The following SUSD1 variants were observed in gnomAD, a reference collection of about 807,000 sequenced individuals.
SUSD1 encodes sushi domain-containing protein 1.
In SUSD1, 65 loss-of-function variants were observed where a neutral mutation model predicts 86.9. That is an observed-to-expected ratio of 0.75 (90% CI 0.61 to 0.92). The LOEUF is 0.92. Ranked by LOEUF, SUSD1 falls within the 40% of genes least tolerant of loss-of-function variation. The pLI, the probability that SUSD1 is intolerant of heterozygous loss-of-function variation, is 0.00. For synonymous variants in SUSD1, 346 were observed against 350.0 expected (o/e 0.99, Z 0.13); for missense variants, 850 against 929.7 (o/e 0.91, Z 1.11).
chr9:112,060,987 C>A (rs1474310649), intron 13 of SUSD1, among the ~76,000 whole-genome samples: 1 of 152,190 alleles, frequency 6.6e-6, no homozygotes, highest in Non-Finnish European at 1.5e-5. Context: ...ACCGTAATCA[C>A]CTGTGTTGCT....
chr9:112,050,880 C>T (rs949644856), intron 15 of SUSD1, among the ~76,000 whole-genome samples: 1 of 152,320 alleles, frequency 6.6e-6, no homozygotes, highest in East Asian at 1.9e-4. Flanking sequence ...AGGCAATTTC[C>T]CCGCCTGGAT....
intron 1 of SUSD1, among the ~76,000 whole-genome samples, chr9:112,157,824 C>CTTT (rs72322597): frequency 4.4e-5 from 6 of 136,882 alleles, no homozygotes; most frequent in African/African-American, 1.4e-4. Flanking sequence ...TTCTTTCTTT[C>CTTT]TTTTTTTTTT....
At chr9:112,062,346 G>A (rs1414561785) in intron 13 of SUSD1, among the ~76,000 whole-genome samples, 1 of 152,164 alleles carries the variant, frequency 6.6e-6, no homozygotes, top group African/African-American at 2.4e-5. Context: ...CAAAGGAATG[G>A]ATGTAATTTC....
intron 9 of SUSD1, among the ~76,000 whole-genome samples, chr9:112,099,027 CT>C (rs1830516076): frequency 1.1e-5 from 1 of 91,116 alleles, no homozygotes. Context: ...CTCTCTCTCT[CT>C]CTCTCTCTCT....
intron 12 of SUSD1, among the ~76,000 whole-genome samples, chr9:112,073,208 C>T (rs1589612639): frequency 6.6e-6 from 1 of 152,162 alleles, no homozygotes; most frequent in African/African-American, 2.4e-5. Context: ...CTGTTGTTTT[C>T]CTAACCGTCT....
At chr9:112,139,123 A>G (rs1347039936) in intron 5 of SUSD1, among the ~76,000 whole-genome samples, 5 of 152,254 alleles carry the variant, frequency 3.3e-5, no homozygotes, top group Non-Finnish European at 5.9e-5. Context: ...CAATAGTGCC[A>G]CATCCAGATG....
chr9:112,117,030 C>T (rs1262961509), intron 6 of SUSD1, among the ~76,000 whole-genome samples: 2 of 152,154 alleles, frequency 1.3e-5, no homozygotes, highest in Admixed American at 1.3e-4. Flanking sequence ...ATCCCAGCTA[C>T]TCAAGAGGCC....
At chr9:112,157,730 C>T in intron 1 of SUSD1, 117 bp from the exon 2 acceptor site, 2 of 642,910 alleles carry the variant, frequency 3.1e-6, no homozygotes, top group South Asian at 4.1e-5. Context: ...CAGGACACAC[C>T]TAGTCTCATC....
chr9:112,091,790 T>C (rs529404191), intron 10 of SUSD1, among the ~76,000 whole-genome samples: 3 of 152,212 alleles, frequency 2.0e-5, no homozygotes, highest in Non-Finnish European at 4.4e-5. Flanking sequence ...CAACAAGATA[T>C]AATATGGTTC....
chr9:112,141,721 A>AATAT lies in SUSD1; in HGVS notation c.706+598_706+599insATAT, dbSNP rs1270412025. Among the ~76,000 whole-genome samples, 12 of 142,232 alleles carry AATAT rather than the reference A, an allele frequency of 8.4e-5. No individual in the cohort carries two copies. The Admixed American group carries it at 8.8e-4, about 10-fold the overall frequency. 93.3% of individuals were successfully genotyped at this position (142,232 alleles called of 152,430 possible). A position where few individuals can be genotyped will look rare whatever the true frequency, so the allele number is the denominator to read the frequency against. On this transcript the variant is annotated intron_variant, in intron 5 of 16. Coordinates refer to ENST00000374270, the MANE Select transcript of SUSD1 (RefSeq NM_022486.5). ...AAAAAATATATAATATATTACATGTAATGTATTATATATAATATATATTAC... is the reference window on the plus strand; with the variant it reads ...AAAAAATATATAATATATTACATGTAATATATGTATTATATATAATATATATTAC...
At chr9:112,115,046 C>T (rs1369348319) in intron 6 of SUSD1, among the ~76,000 whole-genome samples, 1 of 152,156 alleles carries the variant, frequency 6.6e-6, no homozygotes, top group Non-Finnish European at 1.5e-5. Flanking sequence ...GTGAAAGGCT[C>T]CCATCTAAGA....
At chr9:112,071,009 T>C (rs574161689) in intron 12 of SUSD1, among the ~76,000 whole-genome samples, 2 of 152,116 alleles carry the variant, frequency 1.3e-5, no homozygotes, top group Admixed American at 6.6e-5. Context: ...TGTAGAAAAG[T>C]GGTCTCACTG....
chr9:112,174,004 C>A, intron 1 of SUSD1: 2 of 173,842 alleles, frequency 1.2e-5, no homozygotes, highest in South Asian at 2.3e-4. Context: ...CCCGAAGCGC[C>A]TAGAACTGGC....
chr9:112,078,715 A>C lies in SUSD1; in HGVS notation c.1576T>G (p.Trp526Gly). ...TCCTTCTGATACCATCTCTGGCCCC[A>C]AATGTGGAACTGAAACATAAAAAAG... The part of the protein sequence containing the change: ...DMEEMYLFHI[W>G]GQRWYQKEFA... Residue 526 changes from tryptophan (W) to glycine (G), a missense_variant, in exon 12 of 17, where the codon TGG (tryptophan) becomes GGG (glycine). Coordinates refer to ENST00000374270, the MANE Select transcript of SUSD1 (RefSeq NM_022486.5). 6.2e-7 allele frequency: 1 copy of C among 1,612,256 alleles called. No homozygotes were observed. Among genetic ancestry groups the C allele is most frequent in the Non-Finnish European group, 8.5e-7 (1 of 1,178,518 alleles).
chr9:112,146,909 T>G (rs528553478), intron 3 of SUSD1, among the ~76,000 whole-genome samples: 1 of 152,308 alleles, frequency 6.6e-6, no homozygotes, highest in South Asian at 2.1e-4. Context: ...GTCCTGGGGA[T>G]ACAGGCGTGA....
chr9:112,166,960 C>G (rs1404346933), intron 1 of SUSD1, among the ~76,000 whole-genome samples: 1 of 152,198 alleles, frequency 6.6e-6, no homozygotes, highest in Non-Finnish European at 1.5e-5. Flanking sequence ...GAGCTAGCTT[C>G]ACTACCCGTC....
chr9:112,116,275 T>A (rs562553685), intron 6 of SUSD1, among the ~76,000 whole-genome samples: 1 of 152,302 alleles, frequency 6.6e-6, no homozygotes, highest in South Asian at 2.1e-4. Flanking sequence ...TCTGCACAGA[T>A]GGGACCCAGA....
Position 112,157,595 on chromosome 9 carries a change from G to A in SUSD1, c.122C>T (p.Thr41Ile), listed in dbSNP as rs747002974. Residue 41 changes from threonine (T) to isoleucine (I), a missense_variant, in exon 2 of 17, where the codon ACT becomes ATT. Physicochemically the swap from Thr to Ile is moderately conservative, Grantham distance 89. Transcript: ENST00000374270. ...CTGGCATGTGGCATGTTCATGGCAAGTGGCACAGACGTCTAAACCTGAATC... is the reference window on the plus strand; with the variant it reads ...CTGGCATGTGGCATGTTCATGGCAAATGGCACAGACGTCTAAACCTGAATC... Reference protein sequence around the residue: ...PGPDGLDVCATCHEHATCQQR... With the variant: ...PGPDGLDVCAICHEHATCQQR... 1 of 1,613,930 alleles carries A rather than the reference G, an allele frequency of 6.2e-7. No homozygotes were observed. Among genetic ancestry groups the A allele is most frequent in the Non-Finnish European group, 8.5e-7 (1 of 1,179,850 alleles).
At chr9:112,156,564 A>T (rs554471725) in intron 2 of SUSD1, among the ~76,000 whole-genome samples, 90 of 152,248 alleles carry the variant, frequency 5.9e-4, no homozygotes, top group Non-Finnish European at 1.1e-3. Context: ...GTGCCACCAC[A>T]TGTGGCTAAT....
Sources: allele counts gnomAD v4.1 joint callset (sites outside exome capture counted in the v4.1 genomes callset), GRCh38; gene constraint gnomAD v4.1.1; transcripts MANE v1.5; gene names NCBI Gene and HGNC (gene_info 2026-07-23, HGNC 2026-07-21).